COG4: variants seen among roughly 807,000 people sequenced by gnomAD.
COG4 encodes conserved oligomeric Golgi complex subunit 4.
COG4 carries 65 observed loss-of-function variants against 95.1 expected under a neutral mutation model. That is an observed-to-expected ratio of 0.68 (90% CI 0.56 to 0.84). The LOEUF is 0.84. Among genes scored for constraint, COG4 ranks in the 40% least tolerant of loss-of-function variants. The pLI, the probability that COG4 is intolerant of heterozygous loss-of-function variation, is 0.00. For synonymous variants in COG4, 421 were observed against 374.8 expected (o/e 1.12, Z -1.42); for missense variants, 1,045 against 989.1 (o/e 1.06, Z -0.76).
At chr16:70,514,141 C>T (rs375822086) in intron 4 of COG4, among the ~76,000 whole-genome samples, 194 bp downstream of exon 4, 27 of 151,856 alleles carry the variant, frequency 1.8e-4, no homozygotes, top group African/African-American at 5.6e-4. Flanking sequence ...ACCCAGAAGG[C>T]GGAGGTTGCA....
intron 13 of COG4, among the ~76,000 whole-genome samples, chr16:70,487,689 A>G (rs994949935): frequency 2.6e-5 from 4 of 152,242 alleles, no homozygotes; most frequent in African/African-American, 9.6e-5. Context: ...CCCTGGCCTC[A>G]CTTCTTTCCC....
chr16:70,482,383 C>T, intron 15 of COG4: 1 of 640,940 alleles, frequency 1.6e-6, no homozygotes, highest in African/African-American at 1.8e-5. Context: ...GCCCACATAA[C>T]ATGGTAAAGT....
intron 12 of COG4, among the ~76,000 whole-genome samples, chr16:70,492,362 T>C (rs1448187361): frequency 2.0e-5 from 3 of 152,018 alleles, no homozygotes; most frequent in Non-Finnish European, 2.9e-5. Context: ...ATACCAATGA[T>C]AAAAGTAGCA....
rs1567404003 is a variant in COG4, at chr16:70,523,482, G to A, written c.62C>T (p.Ser21Phe). ...PPKLSGVQQP[S>F]EGVGGGRCSE... is the part of the protein sequence containing the mutation. The stretch of plus-strand genomic sequence containing the variant: ...GCAGCGGCCACCTCCCACCCCCTCA[G>A]ACGGCTGCTGCACCCCTGACAGCTT... The change falls in exon 1 of 19, where the codon TCT (serine) becomes TTT (phenylalanine). Residue 21 changes from serine to phenylalanine, a missense_variant. Coordinates refer to ENST00000323786, the MANE Select transcript of COG4 (RefSeq NM_015386.3). 1 of 1,614,066 alleles carries A rather than the reference G, an allele frequency of 6.2e-7. No homozygotes were observed. The highest frequency in any genetic ancestry group is 1.1e-5 in the South Asian group (1 of 91,088).
intron 8 of COG4, among the ~76,000 whole-genome samples, chr16:70,501,767 T>C (rs2049455582): frequency 6.6e-6 from 1 of 152,020 alleles, no homozygotes; most frequent in South Asian, 2.1e-4. Flanking sequence ...GTCTCATGCC[T>C]TGGCCACATG....
chr16:70,499,698 C>T (rs1274928536), intron 9 of COG4, among the ~76,000 whole-genome samples: 2 of 152,162 alleles, frequency 1.3e-5, no homozygotes, highest in African/African-American at 4.8e-5. Flanking sequence ...TCTCGCTTGT[C>T]GCCCAGGCTG....
rs1212409898 is a variant in COG4 at position 70,506,618 on chromosome 16, C to CAAAAAAAA, written c.1061+1780_1061+1787dup. Among the ~76,000 whole-genome samples the CAAAAAAAA allele has an allele frequency of 1.5e-4, 9 of 59,912 alleles. 1 individual carries two copies. The highest frequency in any genetic ancestry group is 1.3e-3 in the East Asian group (2 of 1,518). The allele number at this position is 59,912 out of a possible 152,430, so 39.3% of individuals were successfully genotyped here. A position where few individuals can be genotyped will look rare whatever the true frequency, so the allele number is the denominator to read the frequency against. On this transcript the variant is annotated intron_variant, in intron 8 of 18. Coordinates refer to ENST00000323786, the MANE Select transcript of COG4 (RefSeq NM_015386.3). Reference sequence around the variant, plus strand: ...CAAAAAAAAAAAAAAAAAAAAAAAACAAAAAAAAAAACATTTAGCTGGGAG... The same window carrying CAAAAAAAA: ...CAAAAAAAAAAAAAAAAAAAAAAAACAAAAAAAAAAAAAAAAAAACATTTAGCTGGGAG...
chr16:70,509,754 T>G (rs751083245), intron 6 of COG4, 162 bp downstream of exon 6: 4 of 676,744 alleles, frequency 5.9e-6, no homozygotes, highest in Non-Finnish European at 1.1e-5. Flanking sequence ...TCTTTGCTAA[T>G]CAGGCACTGA....
intron 8 of COG4, among the ~76,000 whole-genome samples, chr16:70,505,874 G>T (rs1247075785): frequency 1.3e-5 from 2 of 152,140 alleles, no homozygotes; most frequent in African/African-American, 4.8e-5. Context: ...GCTGGATACA[G>T]GGGCTCATGC....
chr16:70,522,446 G>A (rs184600858), intron 1 of COG4, among the ~76,000 whole-genome samples: 3 of 152,228 alleles, frequency 2.0e-5, no homozygotes, highest in Admixed American at 2.0e-4. Flanking sequence ...GAGCGGCCCT[G>A]TTTCTAAAAA....
At chr16:70,507,667 C>T (rs539736516) in intron 8 of COG4, among the ~76,000 whole-genome samples, 1 of 151,974 alleles carries the variant, frequency 6.6e-6, no homozygotes, top group South Asian at 2.1e-4. Context: ...TCGAGACTAA[C>T]CTGGCCATCA....
At chr16:70,515,708 A>AATCAATCAATC (rs541420494) in intron 3 of COG4, among the ~76,000 whole-genome samples, 2 of 151,810 alleles carry the variant, frequency 1.3e-5, no homozygotes, top group African/African-American at 4.9e-5. Flanking sequence ...ATCAATCAAT[A>AATCAATCAATC]AATAAATAAA....
intron 3 of COG4, among the ~76,000 whole-genome samples, chr16:70,514,717 TTC>T (rs924102829): frequency 3.5e-4 from 53 of 152,222 alleles, no homozygotes; most frequent in African/African-American, 1.2e-3. Flanking sequence ...GATCAAATCA[TTC>T]TCTCTTTTTT....
chr16:70,502,473 T>C (rs1357938177), intron 8 of COG4, among the ~76,000 whole-genome samples: 1 of 150,262 alleles, frequency 6.7e-6, no homozygotes, highest in Non-Finnish European at 1.5e-5. Flanking sequence ...TGGTGGCACA[T>C]GCCTGTGATC....
chr16:70,509,880 G>T lies in COG4; in HGVS notation c.844+36C>A, dbSNP rs148151633. 1,465 of 1,479,436 alleles carry T rather than the reference G, an allele frequency of 9.9e-4. 10 individuals carry two copies. In the Middle Eastern group the frequency reaches 0.028, roughly 28 times the overall value. The allele number at this position is 1,479,436 out of a possible 1,614,324, so 91.6% of individuals were successfully genotyped here. A position where few individuals can be genotyped will look rare whatever the true frequency, so the allele number is the denominator to read the frequency against. On this transcript the variant is annotated intron_variant, in intron 6 of 18. Transcript: ENST00000323786. The stretch of plus-strand genomic sequence containing the variant: ...GGCTAGGATGCAGGTGTCATATACA[G>T]TCTCCAGTCTCTCTAGAGCGGAGAA...
In COG4 at chr16:70,523,515, G is replaced by T; in HGVS notation, c.29C>A (p.Ser10Ter). 6.2e-7 allele frequency: 1 copy of T among 1,613,980 alleles called. No individual in the cohort carries two copies. Among genetic ancestry groups the T allele is most frequent in the Non-Finnish European group, 8.5e-7 (1 of 1,180,034 alleles). Residue 10 changes from serine (S) to a stop codon, truncating the protein, a stop_gained, in exon 1 of 19, where the codon TCG becomes TAG. Coordinates refer to ENST00000323786, the MANE Select transcript of COG4 (RefSeq NM_015386.3). LOFTEE classifies it high-confidence loss of function. ...CTGCACCCCTGACAGCTTCGGAGGCGAATCAAGGTCCGCCATCTTGGTCCC... is the reference window on the plus strand; with the variant it reads ...CTGCACCCCTGACAGCTTCGGAGGCTAATCAAGGTCCGCCATCTTGGTCCC... The part of the protein sequence containing the change: MGTKMADLD[S>*]PPKLSGVQQP...
chr16:70,504,359 T>C (rs1265161373), intron 8 of COG4, among the ~76,000 whole-genome samples: 1 of 152,068 alleles, frequency 6.6e-6, no homozygotes, highest in African/African-American at 2.4e-5. Flanking sequence ...GTAATCCCAC[T>C]ACTTTGGGAG....
chr16:70,521,239 A>G (rs781610021), intron 1 of COG4, among the ~76,000 whole-genome samples: 33 of 148,668 alleles, frequency 2.2e-4, no homozygotes, highest in Non-Finnish European at 4.2e-4. Flanking sequence ...TTTTTTTGAG[A>G]CGAGTTTCGC....
chr16:70,481,517 T>C (rs778428434), intron 17 of COG4, 30 bp from the exon 18 acceptor site: 3 of 1,610,138 alleles, frequency 1.9e-6, no homozygotes, highest in South Asian at 2.2e-5. Context: ...CAGTCACTAC[T>C]TAGGCCTGGC....
Sources: allele counts gnomAD v4.1 joint callset (sites outside exome capture counted in the v4.1 genomes callset), GRCh38; gene constraint gnomAD v4.1.1; transcripts MANE v1.5; gene names NCBI Gene and HGNC (gene_info 2026-07-23, HGNC 2026-07-21).